Variants in CEP126 observed in about 807,000 individuals in gnomAD.
CEP126 encodes the protein centrosomal protein of 126 kDa.
In CEP126, 74 loss-of-function variants were observed where a neutral mutation model predicts 107.8. The ratio of observed to expected loss-of-function variants is 0.69; its 90% CI spans 0.57 to 0.83. CEP126 has a LOEUF of 0.83. Ranked by LOEUF, CEP126 falls within the 40% of genes least tolerant of loss-of-function variation. The probability of loss-of-function intolerance (pLI) is 0.00; values close to 1 mark genes in which losing one functional copy is unlikely to be tolerated. For synonymous variants in CEP126, 449 were observed against 446.0 expected, an observed-to-expected ratio of 1.01 and a Z score of -0.08; for missense variants, 1,237 against 1,281.9, an observed-to-expected ratio of 0.96 and a Z score of 0.53.
chr11:101,948,875 C>T (rs1035364632), intron 4 of CEP126, among the ~76,000 whole-genome samples: 4 of 152,052 alleles, frequency 2.6e-5, no homozygotes, highest in Admixed American at 1.3e-4. Context: ...TATATAAATA[C>T]GTCCACAATT....
chr11:101,930,911 C>T (rs1298782392), intron 2 of CEP126, among the ~76,000 whole-genome samples: 1 of 152,152 alleles, frequency 6.6e-6, no homozygotes, highest in Non-Finnish European at 1.5e-5. Context: ...ATATCATGCA[C>T]AGGAGTTTTA....
At chr11:101,983,171 C>A (rs1467940811) in intron 8 of CEP126, among the ~76,000 whole-genome samples, 1 of 152,126 alleles carries the variant, frequency 6.6e-6, no homozygotes, top group Non-Finnish European at 1.5e-5. Context: ...CCTGAAGATA[C>A]CCCTGTGGGT....
chr11:101,989,669 A>G (rs1053076742), intron 9 of CEP126, among the ~76,000 whole-genome samples: 1 of 152,200 alleles, frequency 6.6e-6, no homozygotes, highest in Admixed American at 6.5e-5. Flanking sequence ...CCAAGGAAAC[A>G]CAGAAACAGG....
intron 1 of CEP126, among the ~76,000 whole-genome samples, chr11:101,920,509 T>C (rs189555104): frequency 3.8e-4 from 58 of 152,188 alleles, no homozygotes; most frequent in African/African-American, 1.3e-3. Flanking sequence ...AAAAGACAAA[T>C]AGATATGCCC....
intron 7 of CEP126, among the ~76,000 whole-genome samples, chr11:101,980,996 T>C (rs747137641): frequency 3.3e-5 from 5 of 152,118 alleles, no homozygotes; most frequent in Non-Finnish European, 7.4e-5. Flanking sequence ...TTTCTTAAAG[T>C]GAAACAGAAT....
chr11:101,923,674 T>C (rs1940365494), intron 2 of CEP126, among the ~76,000 whole-genome samples: 1 of 152,202 alleles, frequency 6.6e-6, no homozygotes, highest in South Asian at 2.1e-4. Flanking sequence ...ATGCATAGGT[T>C]TCTGCTTTTC....
At chr11:101,976,397 G>C (rs1000511439) in intron 6 of CEP126, among the ~76,000 whole-genome samples, 1 of 151,988 alleles carries the variant, frequency 6.6e-6, no homozygotes, top group African/African-American at 2.4e-5. Flanking sequence ...TAGTGCCTAT[G>C]GCCCTTAGAA....
At chr11:101,978,190 T>C (rs1350232433) in intron 6 of CEP126, among the ~76,000 whole-genome samples, 157 bp from the exon 7 acceptor site, 12 of 152,218 alleles carry the variant, frequency 7.9e-5, no homozygotes, top group Non-Finnish European at 1.8e-4. Context: ...GTGCCATGCT[T>C]AGAGCATATA....
intron 6 of CEP126, among the ~76,000 whole-genome samples, chr11:101,975,480 A>C (rs562705095): frequency 6.6e-6 from 1 of 152,234 alleles, no homozygotes; most frequent in African/African-American, 2.4e-5. Context: ...TTAGAGCCCA[A>C]CTAATTGGAG....
intron 1 of CEP126, among the ~76,000 whole-genome samples, chr11:101,917,603 TA>T (rs199615063): frequency 0.16 from 21,398 of 137,878 alleles, 2,303 homozygotes; most frequent in East Asian, 0.5. Context: ...AAATGGAATT[TA>T]AAAAAAAAAA....
intron 1 of CEP126, chr11:101,916,327 T>TC (rs1275632825): frequency 6.6e-6 from 1 of 152,264 alleles, no homozygotes; most frequent in African/African-American, 2.4e-5. Context: ...GAGTGCCTGC[T>TC]CTTTGGCTGA....
At chr11:101,960,887 A>G (rs1007453557) in intron 5 of CEP126, among the ~76,000 whole-genome samples, 1 of 152,102 alleles carries the variant, frequency 6.6e-6, no homozygotes, top group Non-Finnish European at 1.5e-5. Flanking sequence ...TTATTTCTAT[A>G]TATGTGATGT....
chr11:101,997,288 G>A (rs1352817311), intron 10 of CEP126, among the ~76,000 whole-genome samples: 5 of 152,088 alleles, frequency 3.3e-5, no homozygotes, highest in Admixed American at 2.0e-4. Context: ...CGCCTGCCTC[G>A]GCCTCCCAAA....
At chr11:101,995,376 C>T (rs1408583069) in intron 10 of CEP126, among the ~76,000 whole-genome samples, 1 of 152,140 alleles carries the variant, frequency 6.6e-6, no homozygotes, top group Non-Finnish European at 1.5e-5. Flanking sequence ...CATGGATACA[C>T]ATTGGAATCA....
At chr11:101,982,688 A>C (rs1941270997) in intron 8 of CEP126, among the ~76,000 whole-genome samples, 1 of 152,182 alleles carries the variant, frequency 6.6e-6, no homozygotes, top group African/African-American at 2.4e-5. Flanking sequence ...CATATATTTT[A>C]ATTTGTATCT....
At chr11:101,965,720 T>C (rs1941050703) in intron 6 of CEP126, among the ~76,000 whole-genome samples, 1 of 152,198 alleles carries the variant, frequency 6.6e-6, no homozygotes, top group African/African-American at 2.4e-5. Context: ...TGTTTTATAC[T>C]TACTGTCTCA....
chr11:101,963,375 A>G lies in CEP126; in HGVS notation c.2340A>G (p.Gln780=), dbSNP rs1000313105. 1 of 1,614,038 alleles carries G rather than the reference A, an allele frequency of 6.2e-7. No homozygotes were observed. The highest frequency in any genetic ancestry group is 1.3e-5 in the African/African-American group (1 of 74,938). Residue 780 remains glutamine, a synonymous_variant, in exon 6 of 11, where the codon CAA becomes CAG. Coordinates refer to ENST00000263468, the MANE Select transcript of CEP126 (RefSeq NM_020802.4). ...ICTNRKGAVI[Q]PQSASKVNIF... is the part of the protein sequence containing the mutation. ...CAAACAGAAAAGGCGCTGTCATTCAACCACAGTCTGCAAGCAAAGTCAACA... is the reference window on the plus strand; with the variant it reads ...CAAACAGAAAAGGCGCTGTCATTCAGCCACAGTCTGCAAGCAAAGTCAACA...
chr11:101,956,589 C>G lies in CEP126; in HGVS notation c.507-1579C>G, dbSNP rs1437029571. ...TCTTCAGCCTGTATACTGTTTTCTT[C>G]CTCCTCATCTATTCTTTCCTCTTCT... On this transcript the variant is annotated intron_variant, in intron 4 of 10. Coordinates refer to ENST00000263468, the MANE Select transcript of CEP126 (RefSeq NM_020802.4). 1.3e-5 allele frequency: 6 copies of G among 456,312 alleles called. No individual in the cohort carries two copies. In the East Asian group the frequency reaches 4.2e-4, roughly 32 times the overall value. 28.3% of individuals were successfully genotyped at this position (456,312 alleles called of 1,614,324 possible). A position where few individuals can be genotyped will look rare whatever the true frequency, so the allele number is the denominator to read the frequency against.
intron 4 of CEP126, among the ~76,000 whole-genome samples, chr11:101,952,863 ACAAT>A (rs1381980913): frequency 1.3e-5 from 2 of 152,204 alleles, no homozygotes; most frequent in Non-Finnish European, 2.9e-5. Flanking sequence ...ATTCAGCTAA[ACAAT>A]CAAACTCCCT....
Sources: allele counts gnomAD v4.1 joint callset (sites outside exome capture counted in the v4.1 genomes callset), GRCh38; gene constraint gnomAD v4.1.1; transcripts MANE v1.5; gene names NCBI Gene and HGNC (gene_info 2026-07-23, HGNC 2026-07-21).